ZBTB41: variants seen among roughly 807,000 people sequenced by gnomAD.
ZBTB41 encodes zinc finger and BTB domain containing 41, also known as zinc finger and BTB domain-containing protein 41.
ZBTB41 carries 42 observed loss-of-function variants against 87.6 expected under a neutral mutation model. That is an observed-to-expected ratio of 0.48 (90% CI 0.37 to 0.62). ZBTB41 has a LOEUF of 0.62. Ranked by LOEUF, ZBTB41 falls within the 20% of genes least tolerant of loss-of-function variation. ZBTB41 has a pLI of 0.00. For synonymous variants in ZBTB41, 364 were observed against 364.0 expected, an observed-to-expected ratio of 1.00 and a Z score of 0.00; for missense variants, 799 against 1,078.9, an observed-to-expected ratio of 0.74 and a Z score of 3.63.
chr1:197,170,497 T>A (rs1188878062), intron 10 of ZBTB41, among the ~76,000 whole-genome samples: 3 of 152,136 alleles, frequency 2.0e-5, no homozygotes, highest in African/African-American at 7.2e-5. Flanking sequence ...GAATGTAAAT[T>A]AATGACATTC....
At chr1:197,178,360 TA>T in intron 7 of ZBTB41, 56 bp downstream of exon 7, 1 of 1,204,862 alleles carries the variant, frequency 8.3e-7, no homozygotes, top group Non-Finnish European at 1.2e-6. Flanking sequence ...AAAATAGAAC[TA>T]AAATAGAGAT....
At position 197,159,305 on chromosome 1, in the gene ZBTB41, A is replaced by C; in HGVS notation, c.*54T>G. On this transcript the variant is annotated 3_prime_UTR_variant, in exon 11 of 11. Coordinates refer to ENST00000367405, the MANE Select transcript of ZBTB41 (RefSeq NM_194314.3). ...CAGCCCCACAAATTTAAAAGCTATC[A>C]TCTCTACCATTAGCATATAACCATC... The C allele has an allele frequency of 6.5e-7, 1 of 1,544,300 alleles. No homozygotes were observed. Among genetic ancestry groups the C allele is most frequent in the East Asian group, 2.3e-5 (1 of 44,258 alleles).
Position 197,199,436 on chromosome 1 carries a change from CT to C in ZBTB41, c.1037del (p.Glu346GlyfsTer3). On this transcript the variant is annotated frameshift_variant, in exon 2 of 11. Transcript: ENST00000367405. LOFTEE classifies it high-confidence loss of function. ...EAGDSVGNVH[E>X]GLTPVVIQNS... ...TCTGAATGACCACTGGAGTTAACCC[CT>C]CATGAACATTTCCTACAGAATCACC... 1 of 1,612,144 alleles carries C rather than the reference CT, an allele frequency of 6.2e-7. No homozygotes were observed. The highest frequency in any genetic ancestry group is 8.5e-7 in the Non-Finnish European group (1 of 1,179,382).
intron 7 of ZBTB41, among the ~76,000 whole-genome samples, chr1:197,177,400 G>A (rs534216290): frequency 1.3e-5 from 2 of 152,254 alleles, no homozygotes; most frequent in East Asian, 3.9e-4. Context: ...ATGCGGAACT[G>A]TGAGTCAATT....
chr1:197,175,328 G>A (rs1025803342), intron 8 of ZBTB41, among the ~76,000 whole-genome samples: 2 of 148,532 alleles, frequency 1.3e-5, no homozygotes, highest in Admixed American at 6.8e-5. Context: ...TCTTTTCCCC[G>A]CTTGGAAAAG....
chr1:197,181,202 G>A, intron 5 of ZBTB41, 85 bp from the exon 6 acceptor site: 1 of 1,262,996 alleles, frequency 7.9e-7, no homozygotes, highest in Non-Finnish European at 1.1e-6. Flanking sequence ...GTAAGTTCAT[G>A]CCTATCCTAT....
chr1:197,164,807 AT>A (rs1488531239), intron 10 of ZBTB41, among the ~76,000 whole-genome samples: 3 of 41,584 alleles, frequency 7.2e-5, no homozygotes, highest in African/African-American at 2.2e-4. Flanking sequence ...ATAATATATT[AT>A]ATATATTATA....
chr1:197,190,121 A>G (rs1026409221), intron 4 of ZBTB41, among the ~76,000 whole-genome samples: 1 of 152,004 alleles, frequency 6.6e-6, no homozygotes, highest in African/African-American at 2.4e-5. Context: ...GGGTTTTGCC[A>G]TGTTGGCCAG....
At chr1:197,165,784 A>C (rs894044165) in intron 10 of ZBTB41, among the ~76,000 whole-genome samples, 1 of 152,148 alleles carries the variant, frequency 6.6e-6, no homozygotes, top group African/African-American at 2.4e-5. Context: ...AAAAAAATAT[A>C]TATATAAGCC....
Position 197,159,330 on chromosome 1 carries a change from C to T in ZBTB41, c.*29G>A. ...ATCTCTACCATTAGCATATAACCAT[C>T]CAAAAATCTGTGGAATGTTTAGATT... On this transcript the variant is annotated 3_prime_UTR_variant, in exon 11 of 11. Coordinates refer to ENST00000367405, the MANE Select transcript of ZBTB41 (RefSeq NM_194314.3). The T allele has an allele frequency of 6.2e-7, 1 of 1,607,810 alleles. No homozygotes were observed. Among genetic ancestry groups the T allele is most frequent in the Non-Finnish European group, 8.5e-7 (1 of 1,175,482 alleles).
At position 197,199,572 on chromosome 1, in the gene ZBTB41, T is replaced by G. The variant is rs1660251845; in HGVS notation, c.902A>C (p.Glu301Ala). ...TAGCTCATCTTCTTCAGCATTATAT[T>G]CACTTCCAGGGTCCTCAGAATCATT... ...DRNDSEDPGS[E>A]YNAEEDELEE... The change falls in exon 2 of 11, where the codon GAA becomes GCA. Residue 301 changes from glutamate (E) to alanine (A), a missense_variant. By Grantham distance (107) the Glu-to-Ala change is moderately radical. This residue lies in a region of ZBTB41 where 294 missense variants were observed against 340.1 expected (regional missense o/e 0.86). Transcript: ENST00000367405. The G allele has an allele frequency of 6.2e-7, 1 of 1,607,632 alleles. No homozygotes were observed. The highest frequency in any genetic ancestry group is 1.3e-5 in the African/African-American group (1 of 74,356).
Position 197,199,937 on chromosome 1 carries a change from A to G in ZBTB41, c.537T>C (p.Val179=). 1.2e-6 allele frequency: 2 copies of G among 1,613,088 alleles called. No homozygotes were observed. Among genetic ancestry groups the G allele is most frequent in the Non-Finnish European group, 1.7e-6 (2 of 1,179,462 alleles). ...CAGTTAGCTCTGAATGAAAAGGGGC[A>G]ACATTTTCGTTATTTAACAACTTCA... is the stretch of plus-strand genomic sequence containing the variant. ...DAVKLLNNEN[V]APFHSELTEK... Residue 179 remains valine, a synonymous_variant, in exon 2 of 11, where the codon GTT becomes GTC. Coordinates refer to ENST00000367405, the MANE Select transcript of ZBTB41 (RefSeq NM_194314.3).
intron 5 of ZBTB41, among the ~76,000 whole-genome samples, chr1:197,185,453 C>T (rs1307279269): frequency 2.6e-5 from 4 of 152,076 alleles, no homozygotes; most frequent in Admixed American, 1.3e-4. Flanking sequence ...TAGCGCATTC[C>T]AAATATACTA....
Position 197,156,197 on chromosome 1 carries a change from C to T in ZBTB41, c.*3162G>A, listed in dbSNP as rs1659061958. 6.9e-6 allele frequency: 1 copy of T among 145,136 alleles called. No individual in the cohort carries two copies. Among genetic ancestry groups the T allele is most frequent in the South Asian group, 2.2e-4 (1 of 4,554 alleles). The allele number at this position is 145,136 out of a possible 1,614,324, so 9.0% of individuals were successfully genotyped here. On this transcript the variant is annotated 3_prime_UTR_variant, in exon 11 of 11. Transcript: ENST00000367405. ...ACAATAATCAATCTCAGTATTCAAACTAACAACTTTTTTTTTTTAAAAAAA... is the reference window on the plus strand; with the variant it reads ...ACAATAATCAATCTCAGTATTCAAATTAACAACTTTTTTTTTTTAAAAAAA...
chr1:197,185,954 G>A (rs1659871223), intron 5 of ZBTB41, among the ~76,000 whole-genome samples: 1 of 151,970 alleles, frequency 6.6e-6, no homozygotes, highest in South Asian at 2.1e-4. Flanking sequence ...GTCATTTTGT[G>A]GATATCAACA....
At chr1:197,186,406 T>C (rs972247569) in intron 5 of ZBTB41, among the ~76,000 whole-genome samples, 16 of 152,240 alleles carry the variant, frequency 1.1e-4, no homozygotes, top group African/African-American at 3.9e-4. Context: ...AAAGAAACAA[T>C]GGATAAATTG....
intron 3 of ZBTB41, 129 bp from the exon 4 acceptor site, chr1:197,190,960 T>A (rs991369462): frequency 1.8e-6 from 1 of 560,596 alleles, no homozygotes; most frequent in Non-Finnish European, 3.1e-6. Context: ...CAAGTAGGCA[T>A]AGATGAGCTC....
At chr1:197,179,831 A>G (rs556599973) in intron 6 of ZBTB41, among the ~76,000 whole-genome samples, 2 of 152,132 alleles carry the variant, frequency 1.3e-5, no homozygotes, top group Non-Finnish European at 2.9e-5. Flanking sequence ...GCAGCTGTAC[A>G]ATGTGTGTTT....
Position 197,188,396 on chromosome 1 carries a change from T to C in ZBTB41, c.1442A>G (p.His481Arg), listed in dbSNP as rs1187172700. Reference protein sequence around the residue: ...SFTRRPHLEEHMILHSQDKPF... With the variant: ...SFTRRPHLEERMILHSQDKPF... ...TTTATCTTGAGAATGTAGAATCATA[T>C]GTTCCTCCAAGTGTGGTCTTCGAGT... The change falls in exon 5 of 11, where the codon CAT (histidine) becomes CGT (arginine). Residue 481 changes from histidine to arginine, a missense_variant. Physicochemically the swap from His to Arg is conservative, Grantham distance 29. This residue lies in a region of ZBTB41 where 198 missense variants were observed against 358.4 expected (regional missense o/e 0.55). Coordinates refer to ENST00000367405, the MANE Select transcript of ZBTB41 (RefSeq NM_194314.3). 6.2e-7 allele frequency: 1 copy of C among 1,613,438 alleles called. No homozygotes were observed. The highest frequency in any genetic ancestry group is 8.5e-7 in the Non-Finnish European group (1 of 1,179,746).
Sources: allele counts gnomAD v4.1 joint callset (sites outside exome capture counted in the v4.1 genomes callset), GRCh38; gene constraint gnomAD v4.1.1; regional missense constraint gnomAD v4.1.1; transcripts MANE v1.5; gene names NCBI Gene and HGNC (gene_info 2026-07-23, HGNC 2026-07-21).